NAV2: variants seen among roughly 807,000 people sequenced by gnomAD.
NAV2 encodes helicase, APC down-regulated 1.
NAV2 carries 54 observed loss-of-function variants against 223.2 expected under a neutral mutation model. The observed-to-expected ratio is 0.24, with a 90% CI of 0.19 to 0.30. The LOEUF (loss-of-function observed/expected upper bound fraction) is 0.30, where lower values mean the gene tolerates loss of function less well. Ranked by LOEUF, NAV2 falls within the 10% of genes least tolerant of loss-of-function variation. The pLI, the probability that NAV2 is intolerant of heterozygous loss-of-function variation, is 1.00. For missense variants in NAV2, 2,806 were observed against 3,147.5 expected, an observed-to-expected ratio of 0.89 and a Z score of 2.60; for synonymous variants, 1,279 against 1,239.3, an observed-to-expected ratio of 1.03 and a Z score of -0.67.
At chr11:19,587,736 G>A (rs1035749884) in intron 1 of NAV2, among the ~76,000 whole-genome samples, 1 of 152,200 alleles carries the variant, frequency 6.6e-6, no homozygotes, top group Non-Finnish European at 1.5e-5. Flanking sequence ...CAATGAGACT[G>A]ACTGCACACA....
intron 1 of NAV2, among the ~76,000 whole-genome samples, chr11:19,536,028 G>T (rs190601077): frequency 6.6e-5 from 10 of 152,254 alleles, no homozygotes; most frequent in East Asian, 3.9e-4. Flanking sequence ...GCTCAGAGGG[G>T]GTTAAGTTAC....
rs373395977 is a variant in NAV2 at position 20,101,000 on chromosome 11, A to G, written c.6245A>G (p.Gln2082Arg). The G allele has an allele frequency of 3.7e-5, 59 of 1,614,046 alleles. No individual in the cohort carries two copies. The Middle Eastern group carries it at 6.6e-4, about 18-fold the overall frequency. Reference sequence around the variant, plus strand: ...TCCTTGATTCCCAAGCCCATCCTGCAGCGCTACGTCTCCCTCCTGATAGAG... The same window carrying G: ...TCCTTGATTCCCAAGCCCATCCTGCGGCGCTACGTCTCCCTCCTGATAGAG... ...FESLIPKPIL[Q>R]RYVSLLIEHR... is the part of the protein sequence containing the mutation. Residue 2082 changes from glutamine to arginine, a missense_variant, in exon 32 of 38, where the codon CAG becomes CGG. Coordinates refer to ENST00000349880, the MANE Select transcript of NAV2 (RefSeq NM_145117.5).
chr11:19,398,309 C>T (rs150330044), intron 1 of NAV2, among the ~76,000 whole-genome samples: 1 of 152,088 alleles, frequency 6.6e-6, no homozygotes, highest in Non-Finnish European at 1.5e-5. Context: ...CTCACTATTG[C>T]TAGGAGAGCA....
chr11:19,591,348 G>A (rs1451140801), intron 1 of NAV2: 1 of 152,172 alleles, frequency 6.6e-6, no homozygotes, highest in Admixed American at 6.5e-5. Context: ...CATTTGTCAC[G>A]GTCCAGGATA....
intron 10 of NAV2, among the ~76,000 whole-genome samples, chr11:19,950,599 T>G (rs1591386634): frequency 6.6e-6 from 1 of 152,336 alleles, no homozygotes; most frequent in Non-Finnish European, 1.5e-5. Context: ...GGCATAGAGG[T>G]GCTTTGGTTT....
intron 1 of NAV2, among the ~76,000 whole-genome samples, chr11:19,631,096 T>A (rs540106416): frequency 6.6e-6 from 1 of 151,932 alleles, no homozygotes; most frequent in South Asian, 2.1e-4. Context: ...CTTTCTTTTT[T>A]TTTTTTCTTT....
intron 1 of NAV2, among the ~76,000 whole-genome samples, chr11:19,738,566 G>A (rs1322361597): frequency 6.6e-6 from 1 of 152,140 alleles, no homozygotes; most frequent in Non-Finnish European, 1.5e-5. Context: ...CCCAGACCCC[G>A]CCCCCAGTAT....
chr11:19,472,975 A>G (rs1293836238), intron 1 of NAV2, among the ~76,000 whole-genome samples: 1 of 152,176 alleles, frequency 6.6e-6, no homozygotes, highest in Non-Finnish European at 1.5e-5. Context: ...AGCAAGCACC[A>G]TTTTCCAGAT....
intron 1 of NAV2, among the ~76,000 whole-genome samples, chr11:19,527,901 G>T (rs1201444622): frequency 6.7e-6 from 1 of 149,872 alleles, no homozygotes; most frequent in African/African-American, 2.5e-5. Flanking sequence ...GGGGTTGAGG[G>T]TGCAGCCAAG....
chr11:19,784,865 A>G (rs1197585822), intron 1 of NAV2, among the ~76,000 whole-genome samples: 1 of 152,202 alleles, frequency 6.6e-6, no homozygotes, highest in Non-Finnish European at 1.5e-5. Flanking sequence ...GACACCTCAT[A>G]AAGAGTCAAC....
At chr11:19,361,710 T>C (rs1853958603) in intron 1 of NAV2, among the ~76,000 whole-genome samples, 1 of 152,106 alleles carries the variant, frequency 6.6e-6, no homozygotes, top group African/African-American at 2.4e-5. Context: ...TGGCAGGGCC[T>C]GCCATAGGAC....
intron 1 of NAV2, among the ~76,000 whole-genome samples, chr11:19,677,031 G>A (rs1195673577): frequency 6.6e-6 from 1 of 152,188 alleles, no homozygotes; most frequent in Admixed American, 6.5e-5. Flanking sequence ...CTCAAGGAAA[G>A]AATCAAGACT....
chr11:19,807,069 T>A (rs1196214079), intron 1 of NAV2, among the ~76,000 whole-genome samples: 6 of 152,236 alleles, frequency 3.9e-5, no homozygotes, highest in Non-Finnish European at 5.9e-5. Flanking sequence ...ACTAGTCATG[T>A]AACCAGCATG....
At chr11:19,388,334 T>C (rs1659156234) in intron 1 of NAV2, among the ~76,000 whole-genome samples, 1 of 152,030 alleles carries the variant, frequency 6.6e-6, no homozygotes, top group Admixed American at 6.5e-5. Context: ...GTCCCAGCTG[T>C]TCCCAGTCCC....
chr11:19,683,493 T>C (rs537602658), intron 1 of NAV2, among the ~76,000 whole-genome samples: 10 of 152,394 alleles, frequency 6.6e-5, no homozygotes, highest in African/African-American at 2.4e-4. Context: ...AAATCCCCTA[T>C]GCTGGCATTA....
rs532813631 is a variant in NAV2 at position 19,704,184 on chromosome 11, G to A, written c.76-128300G>A. ...GAACATCACGCAAAGACCACCCCCT[G>A]TAACTGGTGATCTTTCCTTGCCTTA... On this transcript the variant is annotated intron_variant, in intron 1 of 37. Coordinates refer to the NAV2 transcript ENST00000360655. Among the ~76,000 whole-genome samples the A allele has an allele frequency of 9.9e-5, 15 of 152,198 alleles. No individual in the cohort carries two copies. In the South Asian group the frequency reaches 3.1e-3, roughly 32 times the overall value.
At chr11:19,656,749 A>T (rs1321847779) in intron 1 of NAV2, among the ~76,000 whole-genome samples, 1 of 152,156 alleles carries the variant, frequency 6.6e-6, no homozygotes, top group Non-Finnish European at 1.5e-5. Flanking sequence ...CTCCTGTGAG[A>T]AGCAATGCTC....
At chr11:19,544,065 A>T (rs1185839171) in intron 1 of NAV2, among the ~76,000 whole-genome samples, 1 of 152,222 alleles carries the variant, frequency 6.6e-6, no homozygotes, top group Non-Finnish European at 1.5e-5. Flanking sequence ...TGAGCATCTT[A>T]TGGGTTTGTG....
intron 35 of NAV2, 21 bp downstream of exon 35, chr11:20,105,748 A>AG (rs759492248): frequency 2.5e-6 from 4 of 1,595,486 alleles, no homozygotes; most frequent in Non-Finnish European, 2.6e-6. Context: ...GACTGGGGTC[A>AG]GGGGGGCGGG....
Sources: allele counts gnomAD v4.1 joint callset (sites outside exome capture counted in the v4.1 genomes callset), GRCh38; gene constraint gnomAD v4.1.1; transcripts MANE v1.5; gene names NCBI Gene and HGNC (gene_info 2026-07-23, HGNC 2026-07-21).